SORCS1: variants seen among roughly 807,000 people sequenced by gnomAD.
SORCS1 encodes VPS10 domain-containing receptor SorCS1.
Under a neutral mutation model 146.1 loss-of-function variants are expected in SORCS1, and 60 were observed. The ratio of observed to expected loss-of-function variants is 0.41; its 90% CI spans 0.33 to 0.51. SORCS1 has a LOEUF of 0.51. Among genes scored for constraint, SORCS1 ranks in the 20% least tolerant of loss-of-function variants. The probability of loss-of-function intolerance (pLI) is 0.21; values close to 1 mark genes in which losing one functional copy is unlikely to be tolerated. For synonymous variants in SORCS1, 637 were observed against 584.0 expected (o/e 1.09, Z -1.31); for missense variants, 1,352 against 1,487.6 (o/e 0.91, Z 1.50).
chr10:107,180,186 G>C, the SORCS1 span, among the ~76,000 whole-genome samples: 3 of 152,072 alleles, frequency 2.0e-5, no homozygotes, highest in Non-Finnish European at 2.9e-5. Flanking sequence ...AAAGTGCTAG[G>C]ATTACAAGTG....
intron 2 of SORCS1, among the ~76,000 whole-genome samples, chr10:106,930,439 T>C (rs560011569): frequency 5.4e-4 from 83 of 152,344 alleles, no homozygotes; most frequent in African/African-American, 1.9e-3. Flanking sequence ...GGCTGCTGTA[T>C]ATTGAATACA....
intron 24 of SORCS1, among the ~76,000 whole-genome samples, chr10:106,596,775 T>A (rs1845930436): frequency 6.6e-6 from 1 of 152,220 alleles, no homozygotes; most frequent in Non-Finnish European, 1.5e-5. Context: ...GTTAATGTTA[T>A]TTTCAGGATT....
chr10:106,681,401 TATAA>T (rs1189089523), intron 10 of SORCS1, among the ~76,000 whole-genome samples: 1 of 152,238 alleles, frequency 6.6e-6, no homozygotes, highest in African/African-American at 2.4e-5. Context: ...GAATACACTC[TATAA>T]ATAAAGATAA....
chr10:106,816,915 C>T (rs1210331902), intron 3 of SORCS1, among the ~76,000 whole-genome samples: 3 of 152,112 alleles, frequency 2.0e-5, no homozygotes, highest in African/African-American at 7.2e-5. Flanking sequence ...CAATGGGCAT[C>T]TATGGTAGTA....
At chr10:106,739,159 C>T (rs1299963466) in intron 5 of SORCS1, among the ~76,000 whole-genome samples, 1 of 152,112 alleles carries the variant, frequency 6.6e-6, no homozygotes, top group African/African-American at 2.4e-5. Context: ...GAAGAAAGTC[C>T]AGAGTTTGGC....
Position 106,866,974 on chromosome 10 carries a change from C to A in SORCS1, c.627-37301G>T, listed in dbSNP as rs1305108136. 2.6e-5 allele frequency among the ~76,000 whole-genome samples: 4 copies of A among 152,184 alleles called. No homozygotes were observed. In the East Asian group the frequency reaches 7.7e-4, roughly 29 times the overall value. On this transcript the variant is annotated intron_variant, in intron 2 of 25. Transcript: ENST00000263054. ...TGTCCTACAAGTCACCACACCAGTA[C>A]TCCTCCAACAAGAGTTCTTAACCAG...
chr10:106,595,844 C>T (rs1439746934), intron 24 of SORCS1, among the ~76,000 whole-genome samples: 5 of 152,124 alleles, frequency 3.3e-5, no homozygotes, highest in African/African-American at 4.8e-5. Flanking sequence ...GGTTCTTCCT[C>T]GAAACCACCT....
Position 107,164,207 on chromosome 10 carries a change from C to A in SORCS1, c.320G>T (p.Arg107Leu), listed in dbSNP as rs1166660093. Residue 107 changes from arginine (R) to leucine (L), a missense_variant, in exon 1 of 26, where the codon CGG becomes CTG. Transcript: ENST00000263054. The surrounding 1 kb of genome is among the most constrained non-coding windows in gnomAD (Gnocchi z 6.8). Reference sequence around the variant, plus strand: ...CTGATCCGCTCCGCTCCGTCTCCTCCGGCCGGAGCGTGCAGCAACCGCCAT... The same window carrying A: ...CTGATCCGCTCCGCTCCGTCTCCTCAGGCCGGAGCGTGCAGCAACCGCCAT... ...ASMAVAARSGRRRRSGADQEK... is the reference protein window; with the variant it reads ...ASMAVAARSGLRRRSGADQEK... 6.2e-7 allele frequency: 1 copy of A among 1,609,658 alleles called. No individual in the cohort carries two copies.
At chr10:106,692,857 A>C (rs868767927) in intron 9 of SORCS1, among the ~76,000 whole-genome samples, 26 of 152,236 alleles carry the variant, frequency 1.7e-4, no homozygotes, top group Middle Eastern at 3.4e-3. Flanking sequence ...ATTTAAGGTG[A>C]TGAATAATCT....
intron 6 of SORCS1, among the ~76,000 whole-genome samples, chr10:106,725,443 C>T (rs1183050838): frequency 2.7e-5 from 4 of 149,008 alleles, no homozygotes; most frequent in East Asian, 4.1e-4. Flanking sequence ...CCCAGCTACT[C>T]AGGAGGCTGA....
intron 1 of SORCS1, among the ~76,000 whole-genome samples, chr10:107,149,376 T>TA (rs148369591): frequency 0.038 from 5,751 of 151,742 alleles, 249 homozygotes; most frequent in African/African-American, 0.11. Flanking sequence ...CTTACTGCTG[T>TA]AAAAAAAAAT....
intron 1 of SORCS1, among the ~76,000 whole-genome samples, chr10:107,065,510 C>CTCTCTCTT (rs1961747477): frequency 8.1e-5 from 7 of 86,360 alleles, no homozygotes; most frequent in African/African-American, 1.6e-4. Flanking sequence ...CTCCTCTCCT[C>CTCTCTCTT]TCTTTCTTTC....
chr10:107,101,754 T>C (rs1964939890), intron 1 of SORCS1, among the ~76,000 whole-genome samples: 1 of 142,840 alleles, frequency 7.0e-6, no homozygotes, highest in African/African-American at 3.0e-5. Context: ...TAATTATGTG[T>C]GTGTGTGTGT....
chr10:107,145,623 TC>T (rs1354759265), intron 1 of SORCS1, among the ~76,000 whole-genome samples: 2 of 152,156 alleles, frequency 1.3e-5, no homozygotes, highest in African/African-American at 4.8e-5. Flanking sequence ...AATAATAAAG[TC>T]CATTAAAAAT....
intron 21 of SORCS1, among the ~76,000 whole-genome samples, chr10:106,614,849 A>AT (rs1304149602): frequency 3.3e-5 from 5 of 152,120 alleles, no homozygotes; most frequent in African/African-American, 4.8e-5. Context: ...ATAATATAAT[A>AT]TTTTTTGCAG....
intron 1 of SORCS1, among the ~76,000 whole-genome samples, chr10:107,085,038 A>G (rs935125927): frequency 1.3e-5 from 2 of 152,152 alleles, no homozygotes; most frequent in Admixed American, 6.5e-5. Flanking sequence ...GAAGCCCTCA[A>G]AGCTTTTGTT....
At chr10:107,132,720 C>T (rs559036854) in intron 1 of SORCS1, among the ~76,000 whole-genome samples, 12 of 152,294 alleles carry the variant, frequency 7.9e-5, no homozygotes, top group African/African-American at 1.7e-4. Context: ...TTCAAACAAT[C>T]GATGTGCTGA....
At chr10:107,101,749 A>ATGTGTGTG (rs34645920) in intron 1 of SORCS1, among the ~76,000 whole-genome samples, 1,546 of 147,334 alleles carry the variant, frequency 0.01, 10 homozygotes, top group Middle Eastern at 0.056. Context: ...TGGGCTAATT[A>ATGTGTGTG]TGTGTGTGTG....
chr10:107,011,782 A>G (rs998546779), intron 1 of SORCS1, among the ~76,000 whole-genome samples: 2 of 152,162 alleles, frequency 1.3e-5, no homozygotes, highest in Non-Finnish European at 2.9e-5. Flanking sequence ...GGGGTTCTCT[A>G]TCCCCAGGCT....
Sources: gnomAD v4.1 joint callset for allele counts (sites outside exome capture counted in the v4.1 genomes callset) on GRCh38, gnomAD v4.1.1 for gene constraint, Gnocchi (gnomAD v3.1) non-coding constraint, MANE v1.5 for transcripts, NCBI Gene and HGNC (gene_info 2026-07-23, HGNC 2026-07-21) for gene names.